Variants in SIDT1 observed in about 807,000 individuals in gnomAD.
SIDT1 encodes SID1 transmembrane family member 1.
A neutral mutation model predicts 107.5 loss-of-function variants in SIDT1; 101 were observed. The observed-to-expected ratio is 0.94, with a 90% CI of 0.80 to 1.11. The LOEUF (loss-of-function observed/expected upper bound fraction) is 1.11, where lower values mean the gene tolerates loss of function less well. Among genes scored for constraint, SIDT1 ranks in the 50% least tolerant of loss-of-function variants. SIDT1 has a pLI of 0.00. For synonymous variants in SIDT1, 395 were observed against 398.2 expected, an observed-to-expected ratio of 0.99 and a Z score of 0.10; for missense variants, 1,076 against 1,058.2, an observed-to-expected ratio of 1.02 and a Z score of -0.23.
intron 1 of SIDT1, among the ~76,000 whole-genome samples, chr3:113,534,797 T>C (rs1701684131): frequency 6.6e-6 from 1 of 152,232 alleles, no homozygotes; most frequent in African/African-American, 2.4e-5. Flanking sequence ...TTTCTTGCAG[T>C]TCTGCATAGA....
At chr3:113,574,217 G>A (rs563304274) in intron 3 of SIDT1, among the ~76,000 whole-genome samples, 1 of 152,334 alleles carries the variant, frequency 6.6e-6, no homozygotes, top group Non-Finnish European at 1.5e-5. Context: ...ATGATAGAAA[G>A]AATGAGAATT....
chr3:113,535,880 T>G (rs1351720301), intron 1 of SIDT1, among the ~76,000 whole-genome samples: 145 of 152,342 alleles, frequency 9.5e-4, no homozygotes, highest in African/African-American at 3.3e-3. Flanking sequence ...GACATTTTCT[T>G]GATCTGTCTG....
At chr3:113,536,604 T>C (rs550442217) in intron 1 of SIDT1, among the ~76,000 whole-genome samples, 15 of 152,370 alleles carry the variant, frequency 9.8e-5, no homozygotes, top group African/African-American at 1.9e-4. Flanking sequence ...TAATCTTTCC[T>C]GTCAGCCACT....
rs369923682 is a variant in SIDT1, at chr3:113,581,366, G to A, written c.669G>A (p.Pro223=). Residue 223 remains proline (P), a synonymous_variant, in exon 6 of 25, where the codon CCG becomes CCA. Coordinates refer to ENST00000264852, the MANE Select transcript of SIDT1 (RefSeq NM_017699.3). The part of the protein sequence containing the change: ...SVVSVQNIMC[P]VYDLDHNVEF... ...ATTCCTCATGCATGCTGCAGTGCCCGGTGTATGATCTCGACCACAATGTGG... is the reference window on the plus strand; with the variant it reads ...ATTCCTCATGCATGCTGCAGTGCCCAGTGTATGATCTCGACCACAATGTGG... 12 of 1,613,356 alleles carry A rather than the reference G, an allele frequency of 7.4e-6. No individual in the cohort carries two copies. The highest frequency in any genetic ancestry group is 2.2e-5 in the South Asian group (2 of 91,078).
chr3:113,555,833 A>T (rs907612608), intron 1 of SIDT1, among the ~76,000 whole-genome samples: 1 of 147,670 alleles, frequency 6.8e-6, no homozygotes, highest in Non-Finnish European at 1.5e-5. Flanking sequence ...ATCCTACATA[A>T]GACGGACTAT....
In SIDT1 at chr3:113,606,917, C is replaced by T. The variant is rs1945374408; in HGVS notation, c.1405-124C>T. ...ATAATGGCCCATCTGTGCAGAGGAGCACTGGTTACATTGTAAACTAGTGAC... is the reference window on the plus strand; with the variant it reads ...ATAATGGCCCATCTGTGCAGAGGAGTACTGGTTACATTGTAAACTAGTGAC... On this transcript the variant is annotated intron_variant, in intron 14 of 24. Coordinates refer to ENST00000264852, the MANE Select transcript of SIDT1 (RefSeq NM_017699.3). 8 of 680,000 alleles carry T rather than the reference C, an allele frequency of 1.2e-5. No individual in the cohort carries two copies. In the South Asian group the frequency reaches 1.2e-4, roughly 10 times the overall value. The allele number at this position is 680,000 out of a possible 1,614,324, so 42.1% of individuals were successfully genotyped here. A position where few individuals can be genotyped will look rare whatever the true frequency, so the allele number is the denominator to read the frequency against.
chr3:113,558,945 T>A (rs774780278), intron 1 of SIDT1, among the ~76,000 whole-genome samples: 1 of 152,276 alleles, frequency 6.6e-6, no homozygotes, highest in Admixed American at 6.5e-5. Context: ...AAATTAAGTA[T>A]GTTTCCTTCA....
At chr3:113,541,167 T>C (rs966924824) in intron 1 of SIDT1, among the ~76,000 whole-genome samples, 1 of 149,052 alleles carries the variant, frequency 6.7e-6, no homozygotes, top group South Asian at 2.1e-4. Flanking sequence ...CACACACACA[T>C]ATTTTGAGAT....
At chr3:113,579,491 G>T (rs1048251086) in intron 4 of SIDT1, among the ~76,000 whole-genome samples, 2 of 152,030 alleles carry the variant, frequency 1.3e-5, no homozygotes, top group Admixed American at 1.3e-4. Flanking sequence ...TTTGAGTCAA[G>T]CTCCAAAATT....
At chr3:113,606,586 G>C (rs1473881983) in intron 14 of SIDT1, 1 of 152,896 alleles carries the variant, frequency 6.5e-6, no homozygotes, top group African/African-American at 2.4e-5. Context: ...GACAGAGATG[G>C]TGATAAATAG....
At chr3:113,578,805 T>C (rs1376400241) in intron 4 of SIDT1, among the ~76,000 whole-genome samples, 1 of 152,158 alleles carries the variant, frequency 6.6e-6, no homozygotes, top group African/African-American at 2.4e-5. Context: ...CAGTGATACA[T>C]GATTGTGCCA....
intron 19 of SIDT1, among the ~76,000 whole-genome samples, chr3:113,615,259 CT>C (rs1343679720): frequency 1.3e-5 from 2 of 152,202 alleles, no homozygotes; most frequent in African/African-American, 4.8e-5. Context: ...TGCTCCATGC[CT>C]TTTCTGGGAT....
At chr3:113,573,572 TC>T (rs1207058099) in intron 3 of SIDT1, among the ~76,000 whole-genome samples, 1 of 152,184 alleles carries the variant, frequency 6.6e-6, no homozygotes, top group Non-Finnish European at 1.5e-5. Flanking sequence ...ATGTTTACTT[TC>T]CCCAAAATTC....
chr3:113,610,984 C>T, intron 17 of SIDT1, 24 bp from the exon 18 acceptor site: 1 of 1,610,040 alleles, frequency 6.2e-7, no homozygotes, highest in Non-Finnish European at 8.5e-7. Context: ...TCCTGATCAT[C>T]TGGCTCCTCC....
At chr3:113,598,503 T>C (rs914648486) in intron 10 of SIDT1, among the ~76,000 whole-genome samples, 2 of 152,206 alleles carry the variant, frequency 1.3e-5, no homozygotes, top group African/African-American at 2.4e-5. Flanking sequence ...AAATGCACTA[T>C]GTGCACGTAA....
At chr3:113,562,660 A>G (rs1941540074) in intron 1 of SIDT1, among the ~76,000 whole-genome samples, 1 of 152,260 alleles carries the variant, frequency 6.6e-6, no homozygotes, top group Non-Finnish European at 1.5e-5. Flanking sequence ...AGGCAAATCC[A>G]TAAAGACAGA....
intron 1 of SIDT1, among the ~76,000 whole-genome samples, chr3:113,555,427 G>C (rs1375595910): frequency 6.6e-6 from 1 of 152,178 alleles, no homozygotes; most frequent in African/African-American, 2.4e-5. Context: ...ACAGGATAGG[G>C]AGTCAAACAT....
chr3:113,556,873 G>A (rs375230514), intron 1 of SIDT1, among the ~76,000 whole-genome samples: 1 of 137,902 alleles, frequency 7.3e-6, no homozygotes. Context: ...AGGCTGGAGT[G>A]CAGTGGCAGG....
Position 113,583,482 on chromosome 3 carries a change from C to A in SIDT1, c.821C>A (p.Ser274Tyr). 6.3e-7 allele frequency: 1 copy of A among 1,594,422 alleles called. No individual in the cohort carries two copies. ...IKPEDYACGG[S>Y]FFIQEKENQT... is the part of the protein sequence containing the mutation. ...CCTGAAGATTATGCCTGTGGAGGAT[C>A]TTTCTTCATCCAGGGTAAGAGCTAG... The change falls in exon 7 of 25, where the codon TCT becomes TAT. Residue 274 changes from serine (S) to tyrosine (Y), a missense_variant. Transcript: ENST00000264852.
Sources: allele counts gnomAD v4.1 joint callset (sites outside exome capture counted in the v4.1 genomes callset), GRCh38; gene constraint gnomAD v4.1.1; transcripts MANE v1.5; gene names NCBI Gene and HGNC (gene_info 2026-07-23, HGNC 2026-07-21).